The following VAV3 variants were observed in gnomAD, a reference collection of about 807,000 sequenced individuals.
The protein encoded by VAV3 is vav guanine nucleotide exchange factor 3.
Under a neutral mutation model 131.2 loss-of-function variants are expected in VAV3, and 94 were observed. The observed-to-expected ratio is 0.72, with a 90% CI of 0.61 to 0.85. The LOEUF (loss-of-function observed/expected upper bound fraction) is 0.85. VAV3 is among the 40% of genes least tolerant of loss of function. VAV3 has a pLI of 0.00. For missense variants in VAV3, 939 were observed against 1,002.7 expected, an observed-to-expected ratio of 0.94 and a Z score of 0.86; for synonymous variants, 349 against 342.0, an observed-to-expected ratio of 1.02 and a Z score of -0.22.
intron 2 of VAV3, among the ~76,000 whole-genome samples, chr1:107,815,267 G>C (rs1410701571): frequency 3.9e-5 from 6 of 152,112 alleles, no homozygotes; most frequent in Non-Finnish European, 8.8e-5. Context: ...CTTGACTCAA[G>C]ACCTGCTTTC....
At chr1:107,736,066 T>C (rs1472152216) in intron 15 of VAV3, among the ~76,000 whole-genome samples, 3 of 152,072 alleles carry the variant, frequency 2.0e-5, no homozygotes, top group African/African-American at 7.2e-5. Flanking sequence ...TGCAAATGAA[T>C]AAACATAATT....
intron 25 of VAV3, among the ~76,000 whole-genome samples, chr1:107,579,231 G>A (rs1442282819): frequency 1.3e-5 from 2 of 152,192 alleles, no homozygotes; most frequent in Non-Finnish European, 2.9e-5. Flanking sequence ...CCCCGCTGCT[G>A]TCTTCACTTA....
intron 19 of VAV3, among the ~76,000 whole-genome samples, chr1:107,653,893 A>G (rs1486380395): frequency 1.3e-5 from 2 of 152,218 alleles, no homozygotes; most frequent in African/African-American, 4.8e-5. Flanking sequence ...TTCCTTCTTA[A>G]CAGTGTCTAT....
At chr1:107,580,781 T>G (rs1008673115) in intron 25 of VAV3, among the ~76,000 whole-genome samples, 2 of 152,168 alleles carry the variant, frequency 1.3e-5, no homozygotes, top group African/African-American at 4.8e-5. Flanking sequence ...GTAAGCAATA[T>G]CAGAATAAGG....
chr1:107,819,149 G>A (rs955935869), intron 2 of VAV3, among the ~76,000 whole-genome samples: 1 of 152,190 alleles, frequency 6.6e-6, no homozygotes, highest in South Asian at 2.1e-4. Context: ...AGGAAACCAA[G>A]TATTTTGTCT....
chr1:107,889,080 G>A (rs1671183278), intron 1 of VAV3, among the ~76,000 whole-genome samples: 1 of 151,578 alleles, frequency 6.6e-6, no homozygotes, highest in Non-Finnish European at 1.5e-5. Context: ...AATTCTTGAT[G>A]GCAGAGCCAG....
intron 2 of VAV3, among the ~76,000 whole-genome samples, chr1:107,795,452 T>C (rs116367154): frequency 0.037 from 5,683 of 152,276 alleles, 240 homozygotes; most frequent in African/African-American, 0.1. Flanking sequence ...TGTGATCTAA[T>C]TGTAATACAA....
intron 2 of VAV3, among the ~76,000 whole-genome samples, chr1:107,783,931 G>A (rs12754011): frequency 0.042 from 6,319 of 151,636 alleles, 194 homozygotes; most frequent in Middle Eastern, 0.071. Flanking sequence ...ATGGTGGCGG[G>A]CACCTGTAGT....
Position 107,904,648 on chromosome 1 carries a change from C to T in VAV3, c.205-29631G>A, listed in dbSNP as rs78081457. Among the ~76,000 whole-genome samples, 983 of 152,268 alleles carry T rather than the reference C, an allele frequency of 6.5e-3. 11 individuals are homozygous for T. The highest frequency in any genetic ancestry group is 0.023 in the African/African-American group (942 of 41,540). Reference sequence around the variant, plus strand: ...TGTTACTCAACTTCATTCATGCACACCTTTATTCATTCAGCAAATATCTGA... The same window carrying T: ...TGTTACTCAACTTCATTCATGCACATCTTTATTCATTCAGCAAATATCTGA... On this transcript the variant is annotated intron_variant, in intron 1 of 26. Transcript: ENST00000370056.
At chr1:107,933,552 T>C (rs1159711800) in intron 1 of VAV3, among the ~76,000 whole-genome samples, 3 of 152,038 alleles carry the variant, frequency 2.0e-5, no homozygotes, top group Admixed American at 2.0e-4. Context: ...ATATGAAAAT[T>C]GAATCTCCCC....
intron 19 of VAV3, among the ~76,000 whole-genome samples, chr1:107,644,610 T>C (rs1353211184): frequency 1.3e-5 from 2 of 152,138 alleles, no homozygotes; most frequent in African/African-American, 4.8e-5. Flanking sequence ...AGCAGCGTCA[T>C]GTGACAAATG....
chr1:107,582,626 T>C (rs1052797075), intron 25 of VAV3, among the ~76,000 whole-genome samples: 3 of 142,332 alleles, frequency 2.1e-5, no homozygotes, highest in East Asian at 2.2e-4. Flanking sequence ...TGTGTTCTCA[T>C]TGTTCGATTC....
intron 15 of VAV3, among the ~76,000 whole-genome samples, chr1:107,712,706 C>T (rs1457262635): frequency 1.3e-5 from 2 of 152,014 alleles, no homozygotes; most frequent in Non-Finnish European, 2.9e-5. Flanking sequence ...CTAATATGTG[C>T]CATGCAGTGG....
intron 15 of VAV3, among the ~76,000 whole-genome samples, chr1:107,717,261 A>G (rs1158216182): frequency 6.6e-6 from 1 of 151,934 alleles, no homozygotes; most frequent in Non-Finnish European, 1.5e-5. Flanking sequence ...AATCTTAGTT[A>G]TTTCTTGCCT....
chr1:107,807,138 T>G (rs1667097163), intron 2 of VAV3, among the ~76,000 whole-genome samples: 1 of 152,138 alleles, frequency 6.6e-6, no homozygotes, highest in African/African-American at 2.4e-5. Context: ...CCACAGAAAT[T>G]CTTGGTTTCT....
At chr1:107,820,381 T>G (rs965543032) in intron 2 of VAV3, among the ~76,000 whole-genome samples, 4 of 152,200 alleles carry the variant, frequency 2.6e-5, no homozygotes, top group Non-Finnish European at 4.4e-5. Context: ...ACTTCACATG[T>G]TCTCACTCAT....
At position 107,965,003 on chromosome 1, in the gene VAV3, G is replaced by T; in HGVS notation, c.-134C>A. The T allele has an allele frequency of 1.4e-6, 1 of 725,186 alleles. No homozygotes were observed. The highest frequency in any genetic ancestry group is 1.8e-6 in the Non-Finnish European group (1 of 562,926). 44.9% of individuals were successfully genotyped at this position (725,186 alleles called of 1,614,324 possible). A position where few individuals can be genotyped will look rare whatever the true frequency, so the allele number is the denominator to read the frequency against. ...CCTTTCCCCGCGCGGGATCGAGGGA[G>T]CAGGAGCCGCGGCTGACGGGTCGCG... On this transcript the variant is annotated 5_prime_UTR_variant, in exon 1 of 27. Transcript: ENST00000370056.
At chr1:107,937,969 T>C (rs1673805740) in intron 1 of VAV3, among the ~76,000 whole-genome samples, 1 of 152,076 alleles carries the variant, frequency 6.6e-6, no homozygotes, top group East Asian at 1.9e-4. Context: ...AAGCTGAAAA[T>C]AGAAAAATGA....
intron 2 of VAV3, among the ~76,000 whole-genome samples, chr1:107,787,835 C>T (rs185712491): frequency 2.6e-5 from 4 of 152,172 alleles, no homozygotes; most frequent in Admixed American, 6.5e-5. Flanking sequence ...TAGGCATTTC[C>T]GCACCACTAT....
Sources: allele counts gnomAD v4.1 joint callset (sites outside exome capture counted in the v4.1 genomes callset), GRCh38; gene constraint gnomAD v4.1.1; transcripts MANE v1.5; gene names NCBI Gene and HGNC (gene_info 2026-07-23, HGNC 2026-07-21).